Variants in HUWE1 observed in about 807,000 individuals in gnomAD.
HUWE1 encodes HECT, UBA and WWE domain containing E3 ubiquitin protein ligase 1.
A neutral mutation model predicts 299.4 loss-of-function variants in HUWE1; 18 were observed. The ratio of observed to expected loss-of-function variants is 0.06; its 90% confidence interval spans 0.04 to 0.09. The LOEUF (loss-of-function observed/expected upper bound fraction) is 0.09. Ranked by LOEUF, HUWE1 falls within the 10% of genes least tolerant of loss-of-function variation. HUWE1 has a pLI of 1.00. For missense variants in HUWE1, 1,832 were observed against 3,462.3 expected, an observed-to-expected ratio of 0.53 and a Z score of 11.82; for synonymous variants, 1,317 against 1,286.1, an observed-to-expected ratio of 1.02 and a Z score of -0.51.
chrX:53,662,216 G>C (rs1436613757), intron 3 of HUWE1, among the ~76,000 whole-genome samples: 1 of 111,030 alleles, frequency 9.0e-6, no homozygotes, highest in Non-Finnish European at 1.9e-5. Context: ...ATATAACAAA[G>C]TTTGAGAAGC....
Position 53,534,713 on chromosome X carries a change from A to G in HUWE1, c.12650-16T>C. 8.3e-7 allele frequency: 1 copy of G among 1,204,837 alleles called. No homozygotes were observed. The highest frequency in any genetic ancestry group is 1.1e-6 in the Non-Finnish European group (1 of 890,524). On this transcript the variant is annotated splice_polypyrimidine_tract_variant and intron_variant, in intron 81 of 83. Coordinates refer to ENST00000262854, the MANE Select transcript of HUWE1 (RefSeq NM_031407.7). ...CGGATGGCTCCTGGTGAGATAACCA[A>G]AAAGCCAAATGACTTCTAAACTCAC...
At chrX:53,578,540 A>G (rs2063343145) in intron 43 of HUWE1, among the ~76,000 whole-genome samples, 1 of 80,673 alleles carries the variant, frequency 1.2e-5, no homozygotes, top group African/African-American at 5.0e-5. Context: ...GTGGGGGGTC[A>G]GCCCCCCGCC....
intron 23 of HUWE1, 129 bp downstream of exon 23, chrX:53,614,405 G>A (rs1002025471): frequency 2.1e-5 from 12 of 559,908 alleles, no homozygotes; most frequent in African/African-American, 1.6e-4. Context: ...TCTTAGAACC[G>A]GTTAGAACTT....
Position 53,558,677 on chromosome X carries a change from T to A in HUWE1, c.8138A>T (p.Glu2713Val). The A allele has an allele frequency of 8.3e-7, 1 of 1,210,932 alleles. No homozygotes were observed. The highest frequency in any genetic ancestry group is 1.1e-6 in the Non-Finnish European group (1 of 894,617). Residue 2713 changes from glutamate to valine, a missense_variant, in exon 59 of 84, where the codon GAG becomes GTG. This residue lies in a region of HUWE1 where 143 missense variants were observed against 148.1 expected (regional missense o/e 0.97). Coordinates refer to ENST00000262854, the MANE Select transcript of HUWE1 (RefSeq NM_031407.7). The stretch of plus-strand genomic sequence containing the variant: ...CACCTGTGCACTCTGATCCCTGTTC[T>A]CCTTATCTTCTTTGCCTTTATCAGT... ...KITDKGKEDK[E>V]NRDQSAQCTA...
At chrX:53,633,100 GTA>G (rs1383371365) in intron 8 of HUWE1, among the ~76,000 whole-genome samples, 1 of 112,114 alleles carries the variant, frequency 8.9e-6, no homozygotes, top group Non-Finnish European at 1.9e-5. Flanking sequence ...ACTTCTCATG[GTA>G]TGTTTTCTGC....
At chrX:53,559,255 T>TG in intron 57 of HUWE1, 99 bp downstream of exon 57, 1 of 976,436 alleles carries the variant, frequency 1.0e-6, no homozygotes, top group Non-Finnish European at 1.5e-6. Context: ...TCCTATAAAA[T>TG]GGGGGTTTTC....
intron 75 of HUWE1, 73 bp from the exon 76 acceptor site, chrX:53,539,153 A>T: frequency 2.9e-6 from 3 of 1,044,193 alleles, no homozygotes; most frequent in Admixed American, 4.7e-5. Flanking sequence ...TTGCCATCAT[A>T]AACAAATTAT....
At chrX:53,681,640 G>A (rs782220313) in intron 2 of HUWE1, among the ~76,000 whole-genome samples, 31 of 111,871 alleles carry the variant, frequency 2.8e-4, no homozygotes, top group African/African-American at 8.8e-4. Context: ...GTAAGAAGAT[G>A]CCAAATAGCA....
intron 29 of HUWE1, among the ~76,000 whole-genome samples, chrX:53,596,618 G>A (rs1329901149): frequency 1.8e-5 from 2 of 111,863 alleles, no homozygotes; most frequent in African/African-American, 3.3e-5. Context: ...TTAAAACACT[G>A]TGTGAGGCTA....
At chrX:53,557,956 C>T (rs2062105223) in intron 59 of HUWE1, among the ~76,000 whole-genome samples, 1 of 111,779 alleles carries the variant, frequency 8.9e-6, no homozygotes, top group Non-Finnish European at 1.9e-5. Flanking sequence ...TCCTTAACTG[C>T]TGAGTAGGGT....
chrX:53,625,551 C>G (rs2066428112), intron 17 of HUWE1: 1 of 250,313 alleles, frequency 4.0e-6, no homozygotes, highest in African/African-American at 2.8e-5. Context: ...TGGATATTAT[C>G]TGCCCTCCAA....
chrX:53,626,836 T>C (rs1557018217), intron 17 of HUWE1, among the ~76,000 whole-genome samples: 1 of 111,536 alleles, frequency 9.0e-6, no homozygotes, highest in Non-Finnish European at 1.9e-5. Flanking sequence ...CCGGCTAAGT[T>C]TTGTATTTTT....
rs3788947 is a variant in HUWE1, at chrX:53,648,535, A to C, written c.46-225T>G. Reference sequence around the variant, plus strand: ...ATCCACCTGGGCTTAAAAAACAAAAAAAAACAAAAAAAAACAAAAAACAAA... The same window carrying C: ...ATCCACCTGGGCTTAAAAAACAAAACAAAACAAAAAAAAACAAAAAACAAA... On this transcript the variant is annotated intron_variant, in intron 4 of 83. Transcript: ENST00000262854. 0.46 allele frequency among the ~76,000 whole-genome samples: 44,599 copies of C among 96,897 alleles called. 8,121 individuals are homozygous for C. The highest frequency in any genetic ancestry group is 0.55 in the Middle Eastern group (113 of 205). 84.1% of individuals were successfully genotyped at this position (96,897 alleles called of 115,157 possible).
At chrX:53,665,028 CTG>C (rs1266939502) in intron 3 of HUWE1, among the ~76,000 whole-genome samples, 5 of 112,239 alleles carry the variant, frequency 4.5e-5, no homozygotes, top group Admixed American at 1.9e-4. Flanking sequence ...GAGATGAAGA[CTG>C]TGCCCAGTTT....
At chrX:53,602,260 A>T (rs187926398) in intron 28 of HUWE1, among the ~76,000 whole-genome samples, 37 of 110,373 alleles carry the variant, frequency 3.4e-4, no homozygotes, top group Non-Finnish European at 4.0e-4. Flanking sequence ...GAAGAAAGAG[A>T]TCTACGAAAT....
At chrX:53,631,185 C>T (rs782580055) in intron 11 of HUWE1, 151 bp from the exon 12 acceptor site, 588 of 493,708 alleles carry the variant, frequency 1.2e-3, no homozygotes, top group South Asian at 3.1e-3. Flanking sequence ...TACCTGCTCA[C>T]GGTGAGGTAG....
intron 13 of HUWE1, among the ~76,000 whole-genome samples, 153 bp from the exon 14 acceptor site, chrX:53,629,055 C>G (rs1306227051): frequency 2.7e-5 from 3 of 111,316 alleles, no homozygotes; most frequent in African/African-American, 9.8e-5. Flanking sequence ...CAACGAAAAT[C>G]TAGTATTTGT....
At chrX:53,678,215 G>A (rs1249790543) in intron 3 of HUWE1, among the ~76,000 whole-genome samples, 8 of 111,978 alleles carry the variant, frequency 7.1e-5, no homozygotes, top group African/African-American at 2.3e-4. Context: ...AAATGCTCAG[G>A]TTAACAGCCC....
intron 49 of HUWE1, among the ~76,000 whole-genome samples, chrX:53,566,121 G>GTT (rs1239258009): frequency 5.4e-5 from 2 of 37,033 alleles, no homozygotes; most frequent in African/African-American, 2.0e-4. Flanking sequence ...GTATGTATGT[G>GTT]TGTGTGTGTG....
Sources: allele counts gnomAD v4.1 joint callset (sites outside exome capture counted in the v4.1 genomes callset), GRCh38; gene constraint gnomAD v4.1.1; regional missense constraint gnomAD v4.1.1; transcripts MANE v1.5; gene names NCBI Gene and HGNC (gene_info 2026-07-23, HGNC 2026-07-21).